The following CNKSR3 variants were observed in gnomAD, a reference collection of about 807,000 sequenced individuals.
CNKSR3 encodes connector enhancer of kinase suppressor of ras 3.
In CNKSR3, 36 loss-of-function variants were observed where a neutral mutation model predicts 67.7. That is an observed-to-expected ratio of 0.53 (90% CI 0.41 to 0.70). The LOEUF is 0.70. CNKSR3 is among the 30% of genes least tolerant of loss of function. The pLI, the probability that CNKSR3 is intolerant of heterozygous loss-of-function variation, is 0.00. For missense variants in CNKSR3, 630 were observed against 695.2 expected (o/e 0.91, Z 1.05); for synonymous variants, 281 against 271.4 (o/e 1.04, Z -0.35).
rs1263712849 is a variant in CNKSR3, at chr6:154,392,484, A to G, written c.*13870T>C. 1.3e-5 allele frequency: 2 copies of G among 152,246 alleles called. No homozygotes were observed. Among genetic ancestry groups the G allele is most frequent in the Non-Finnish European group, 2.9e-5 (2 of 68,056 alleles). 9.4% of individuals were successfully genotyped at this position (152,246 alleles called of 1,614,324 possible). On this transcript the variant is annotated 3_prime_UTR_variant, in exon 13 of 13. Transcript: ENST00000607772. ...GGGATGCCTTGAGAAAAAGCAGTAG[A>G]AGGAGTGCAGGTCCCCTGCTGTCAA...
intron 1 of CNKSR3, among the ~76,000 whole-genome samples, chr6:154,475,687 C>A (rs1232049625): frequency 6.6e-6 from 1 of 152,192 alleles, no homozygotes; most frequent in Non-Finnish European, 1.5e-5. Context: ...CAGCCCTAGG[C>A]CTTCCTGGGG....
intron 1 of CNKSR3, among the ~76,000 whole-genome samples, chr6:154,467,349 CTTATA>C (rs1786225389): frequency 6.6e-6 from 1 of 152,148 alleles, no homozygotes; most frequent in African/African-American, 2.4e-5. Flanking sequence ...TCTAAACCAA[CTTATA>C]TTTATTTAGC....
At chr6:154,484,647 A>T (rs1216522004) in intron 1 of CNKSR3, among the ~76,000 whole-genome samples, 1 of 148,068 alleles carries the variant, frequency 6.8e-6, no homozygotes, top group Non-Finnish European at 1.5e-5. Context: ...GGTTGCAGTG[A>T]GCTAAGATCG....
Position 154,392,373 on chromosome 6 carries a change from TTTTTGCCAACAGACATTGGGC to T in CNKSR3, c.*13960_*13980del, listed in dbSNP as rs1415394640. The T allele has an allele frequency of 6.6e-6, 1 of 152,250 alleles. No homozygotes were observed. Among genetic ancestry groups the T allele is most frequent in the Non-Finnish European group, 1.5e-5 (1 of 68,054 alleles). 9.4% of individuals were successfully genotyped at this position (152,250 alleles called of 1,614,324 possible). A position where few individuals can be genotyped will look rare whatever the true frequency, so the allele number is the denominator to read the frequency against. On this transcript the variant is annotated 3_prime_UTR_variant, in exon 13 of 13. Coordinates refer to ENST00000607772, the MANE Select transcript of CNKSR3 (RefSeq NM_173515.4). ...TAAGAATATACCACATGTAAACCTTTTTTTGCCAACAGACATTGGGCTGTGTTCTACAAAGGCAGATGGCCA... is the reference window on the plus strand; with the variant it reads ...TAAGAATATACCACATGTAAACCTTTTGTGTTCTACAAAGGCAGATGGCCA...
chr6:154,415,203 T>G (rs1162834911), intron 9 of CNKSR3, among the ~76,000 whole-genome samples: 2 of 147,262 alleles, frequency 1.4e-5, no homozygotes, highest in Non-Finnish European at 3.0e-5. Context: ...CTGGATGTGA[T>G]CCTGGCTAGA....
intron 1 of CNKSR3, among the ~76,000 whole-genome samples, chr6:154,467,740 A>AATATAT (rs57551186): frequency 2.0e-5 from 3 of 150,220 alleles, no homozygotes; most frequent in African/African-American, 4.9e-5. Context: ...ACCCATTATA[A>AATATAT]ATATATATAT....
At chr6:154,506,074 T>C (rs1787096997) in intron 1 of CNKSR3, among the ~76,000 whole-genome samples, 1 of 152,222 alleles carries the variant, frequency 6.6e-6, no homozygotes, top group African/African-American at 2.4e-5. Context: ...AAAACAGGGC[T>C]GGATATAAGT....
At chr6:154,456,573 G>C (rs1028688260) in intron 1 of CNKSR3, among the ~76,000 whole-genome samples, 4 of 151,420 alleles carry the variant, frequency 2.6e-5, no homozygotes, top group Admixed American at 6.6e-5. Context: ...TGGGCTTGGT[G>C]GTGGGCCCCT....
intron 5 of CNKSR3, 71 bp downstream of exon 5, chr6:154,433,395 C>T: frequency 3.0e-6 from 3 of 998,356 alleles, no homozygotes; most frequent in Non-Finnish European, 4.7e-6. Flanking sequence ...AGCCACAGGG[C>T]ATTTACTTAA....
At chr6:154,452,093 G>C (rs1481767560) in intron 1 of CNKSR3, among the ~76,000 whole-genome samples, 1 of 152,128 alleles carries the variant, frequency 6.6e-6, no homozygotes, top group Non-Finnish European at 1.5e-5. Flanking sequence ...ATCTGTAGCA[G>C]GCAACCATGA....
At chr6:154,484,574 T>C (rs1786627850) in intron 1 of CNKSR3, among the ~76,000 whole-genome samples, 2 of 151,674 alleles carry the variant, frequency 1.3e-5, no homozygotes, top group African/African-American at 4.9e-5. Flanking sequence ...TGGTGGTGCA[T>C]GCCTGTAATC....
chr6:154,450,384 G>T, intron 1 of CNKSR3, 126 bp from the exon 2 acceptor site: 1 of 979,666 alleles, frequency 1.0e-6, no homozygotes, highest in Non-Finnish European at 1.5e-6. Flanking sequence ...GGTTATCTAT[G>T]TGAGGCCTAT....
chr6:154,432,534 T>C (rs1338932238), intron 5 of CNKSR3, among the ~76,000 whole-genome samples: 2 of 152,244 alleles, frequency 1.3e-5, no homozygotes, highest in African/African-American at 4.8e-5. Context: ...AAGTCTACCT[T>C]ATCAATTTTT....
At chr6:154,474,004 C>T (rs1402475837) in intron 1 of CNKSR3, among the ~76,000 whole-genome samples, 1 of 149,848 alleles carries the variant, frequency 6.7e-6, no homozygotes, top group Non-Finnish European at 1.5e-5. Context: ...AGGATGGTCT[C>T]GATCTCCTGA....
chr6:154,466,841 G>C (rs923996729), intron 1 of CNKSR3, among the ~76,000 whole-genome samples: 21 of 147,314 alleles, frequency 1.4e-4, no homozygotes, highest in African/African-American at 2.3e-4. Context: ...GTCCAGGCTT[G>C]CTCAAACTCC....
intron 3 of CNKSR3, among the ~76,000 whole-genome samples, chr6:154,441,740 T>TA (rs763503416): frequency 0.07 from 10,517 of 149,312 alleles, 644 homozygotes; most frequent in East Asian, 0.18. Context: ...AGGAATAGAT[T>TA]AAAAACAAAA....
intron 2 of CNKSR3, among the ~76,000 whole-genome samples, chr6:154,446,734 T>G (rs1785714269): frequency 6.6e-6 from 1 of 151,548 alleles, no homozygotes; most frequent in Non-Finnish European, 1.5e-5. Flanking sequence ...CAGCTGCCCA[T>G]GCCTTGGTGT....
intron 1 of CNKSR3, among the ~76,000 whole-genome samples, chr6:154,509,033 G>C (rs1787158263): frequency 6.6e-6 from 1 of 151,648 alleles, no homozygotes; most frequent in Non-Finnish European, 1.5e-5. Flanking sequence ...AAACTGTAAA[G>C]CGCTACACAA....
In CNKSR3 at chr6:154,398,616, C is replaced by T. The variant is rs1244140003; in HGVS notation, c.*7738G>A. On this transcript the variant is annotated 3_prime_UTR_variant, in exon 13 of 13. Coordinates refer to ENST00000607772, the MANE Select transcript of CNKSR3 (RefSeq NM_173515.4). ...TTTAAAACCACAGGAAACATAGAAACGAGTTTGAGGAATACCACTTCAAGA... is the reference window on the plus strand; with the variant it reads ...TTTAAAACCACAGGAAACATAGAAATGAGTTTGAGGAATACCACTTCAAGA... The T allele has an allele frequency of 9.9e-5, 15 of 152,042 alleles. No individual in the cohort carries two copies. The highest frequency in any genetic ancestry group is 2.1e-4 in the Non-Finnish European group (14 of 68,012). 9.4% of individuals were successfully genotyped at this position (152,042 alleles called of 1,614,324 possible).
Sources: allele counts gnomAD v4.1 joint callset (sites outside exome capture counted in the v4.1 genomes callset), GRCh38; gene constraint gnomAD v4.1.1; transcripts MANE v1.5; gene names NCBI Gene and HGNC (gene_info 2026-07-23, HGNC 2026-07-21).